RBFOX3: variants seen among roughly 807,000 people sequenced by gnomAD.
RBFOX3 encodes RNA binding fox-1 homolog 3, also known as RNA binding protein fox-1 homolog 3.
RBFOX3 carries 17 observed loss-of-function variants against 48.7 expected under a neutral mutation model. The observed-to-expected ratio is 0.35, with a 90% CI of 0.24 to 0.52. The LOEUF is 0.52. Among genes scored for constraint, RBFOX3 ranks in the 20% least tolerant of loss-of-function variants. The pLI is 0.94. For missense variants in RBFOX3, 382 were observed against 497.5 expected (o/e 0.77, Z 2.21); for synonymous variants, 212 against 209.5 (o/e 1.01, Z -0.10).
chr17:79,194,295 C>T lies in RBFOX3; in HGVS notation c.-34+41471G>A, dbSNP rs955632608. 7.2e-5 allele frequency among the ~76,000 whole-genome samples: 11 copies of T among 152,136 alleles called. 1 individual carries two copies. The highest frequency in any genetic ancestry group is 6.8e-3 in the Middle Eastern group (2 of 294). ...CAGATTCCGAGCAAGGGGGTTCTGCCAGGAATCTAGGTACAAACTGCCTCC... is the reference window on the plus strand; with the variant it reads ...CAGATTCCGAGCAAGGGGGTTCTGCTAGGAATCTAGGTACAAACTGCCTCC... On this transcript the variant is annotated intron_variant, in intron 4 of 14. Transcript: ENST00000693108.
intron 1 of RBFOX3, among the ~76,000 whole-genome samples, chr17:79,602,947 C>T (rs2093739602): frequency 1.3e-5 from 2 of 150,458 alleles, no homozygotes; most frequent in South Asian, 4.2e-4. Context: ...TTTGCAAAAG[C>T]AAGAGGACCT....
At chr17:79,290,050 G>T (rs1057398685) in intron 3 of RBFOX3, among the ~76,000 whole-genome samples, 1 of 152,116 alleles carries the variant, frequency 6.6e-6, no homozygotes, top group Admixed American at 6.5e-5. Flanking sequence ...ATGCCCAGGG[G>T]GTCTGAAGGG....
At chr17:79,166,094 G>A (rs754517848) in intron 4 of RBFOX3, among the ~76,000 whole-genome samples, 5 of 152,236 alleles carry the variant, frequency 3.3e-5, no homozygotes, top group Non-Finnish European at 5.9e-5. Flanking sequence ...GTTGTGATTG[G>A]AACTAGGTAC....
rs1241005397 is a variant in RBFOX3, at chr17:79,205,377, C to G, written c.-34+30389G>C. Among the ~76,000 whole-genome samples, 3 of 152,088 alleles carry G rather than the reference C, an allele frequency of 2.0e-5. No homozygotes were observed. Among genetic ancestry groups the G allele is most frequent in the Non-Finnish European group, 2.9e-5 (2 of 68,020 alleles). ...CAGCAGGTCTGTCAGGCTCATGGAC[C>G]CATCCTGTGGTTTGTTCTCTGGTCT... is the stretch of plus-strand genomic sequence containing the variant. On this transcript the variant is annotated intron_variant, in intron 4 of 14. Coordinates refer to ENST00000693108, the MANE Select transcript of RBFOX3 (RefSeq NM_001350451.2). This position sits in a 1 kb window ranked among gnomAD's most constrained non-coding sequence, Gnocchi z 4.5.
chr17:79,446,009 T>G (rs966950005), intron 2 of RBFOX3, among the ~76,000 whole-genome samples: 1 of 152,214 alleles, frequency 6.6e-6, no homozygotes. Flanking sequence ...CCAGGGATGC[T>G]GCTCATCCTA....
At chr17:79,463,627 C>T (rs1183834724) in intron 2 of RBFOX3, among the ~76,000 whole-genome samples, 12 of 147,052 alleles carry the variant, frequency 8.2e-5, no homozygotes, top group South Asian at 4.4e-4. Flanking sequence ...CCATCGCCAC[C>T]GCCACTGCCA....
At chr17:79,507,398 G>T (rs1397413408) in intron 1 of RBFOX3, among the ~76,000 whole-genome samples, 3 of 152,118 alleles carry the variant, frequency 2.0e-5, no homozygotes, top group African/African-American at 7.2e-5. Context: ...CCTAAATTTG[G>T]CGTCCATGGG....
chr17:79,662,377 C>T, the RBFOX3 span, among the ~76,000 whole-genome samples: 4 of 152,046 alleles, frequency 2.6e-5, no homozygotes, highest in Admixed American at 6.6e-5. Flanking sequence ...CCACCTCAGC[C>T]TCCCAAAGTG....
chr17:79,194,747 TGTGTGG>T (rs1321083323), intron 4 of RBFOX3, among the ~76,000 whole-genome samples: 4,236 of 64,470 alleles, frequency 0.066, 95 homozygotes, highest in Non-Finnish European at 0.12. Context: ...ACTCCCTGTG[TGTGTGG>T]GTGTGTGTGT....
chr17:79,557,766 G>A lies in RBFOX3; in HGVS notation c.-320+53060C>T, dbSNP rs909031553. ...GCAGATGTCAGCGTATCGGGCAGGC[G>A]GGGGCATCTCGTGGGAGGCCTCCTG... On this transcript the variant is annotated intron_variant, in intron 1 of 14. Coordinates refer to ENST00000693108, the MANE Select transcript of RBFOX3 (RefSeq NM_001350451.2). 7.5e-4 allele frequency among the ~76,000 whole-genome samples: 114 copies of A among 152,292 alleles called. 1 individual carries two copies. The highest frequency in any genetic ancestry group is 1.2e-3 in the South Asian group (6 of 4,820).
At chr17:79,193,572 A>T (rs909856920) in intron 4 of RBFOX3, among the ~76,000 whole-genome samples, 1 of 152,174 alleles carries the variant, frequency 6.6e-6, no homozygotes, top group Admixed American at 6.5e-5. Flanking sequence ...TTATTGCTAC[A>T]CTTTCTAAGA....
chr17:79,105,155 G>C (rs560005646), intron 6 of RBFOX3, among the ~76,000 whole-genome samples: 1 of 152,184 alleles, frequency 6.6e-6, no homozygotes, highest in Non-Finnish European at 1.5e-5. Context: ...TCCTGGAGGC[G>C]GGGGGTGCAG....
intron 3 of RBFOX3, among the ~76,000 whole-genome samples, chr17:79,283,694 G>A (rs1029700176): frequency 6.6e-6 from 1 of 152,208 alleles, no homozygotes. Flanking sequence ...AGACCCTCTT[G>A]TTGGCAACAC....
intron 3 of RBFOX3, among the ~76,000 whole-genome samples, chr17:79,236,474 G>C (rs1233819694): frequency 6.6e-6 from 1 of 152,080 alleles, no homozygotes; most frequent in Non-Finnish European, 1.5e-5. Flanking sequence ...ATTTTTAGTA[G>C]AGACGGGGGT....
At chr17:79,124,156 T>G (rs2036533536) in intron 4 of RBFOX3, among the ~76,000 whole-genome samples, 1 of 152,230 alleles carries the variant, frequency 6.6e-6, no homozygotes, top group Non-Finnish European at 1.5e-5. Context: ...ACTGGGAGTC[T>G]GAAATCAGCC....
intron 1 of RBFOX3, among the ~76,000 whole-genome samples, chr17:79,560,010 ATGGGTGGG>A (rs1295470649): frequency 9.6e-6 from 1 of 104,632 alleles, no homozygotes; most frequent in Non-Finnish European, 1.8e-5. Flanking sequence ...GGGTGGAAGG[ATGGGTGGG>A]TGGGTGTATG....
intron 1 of RBFOX3, among the ~76,000 whole-genome samples, chr17:79,583,228 G>C (rs1053742149): frequency 3.9e-5 from 6 of 152,194 alleles, no homozygotes; most frequent in Admixed American, 2.0e-4. Context: ...TCCTGGTAAA[G>C]CAGGGCCCTC....
chr17:79,202,120 T>TG (rs1331812838), intron 4 of RBFOX3, among the ~76,000 whole-genome samples: 1 of 151,934 alleles, frequency 6.6e-6, no homozygotes, highest in African/African-American at 2.4e-5. Flanking sequence ...TTCCCCGGCA[T>TG]GGGGGGTAGA....
Position 79,387,511 on chromosome 17 carries a change from C to T in RBFOX3, c.-174-79687G>A, listed in dbSNP as rs569204864. Among the ~76,000 whole-genome samples, 261 of 152,334 alleles carry T rather than the reference C, an allele frequency of 1.7e-3. 1 individual carries two copies. The highest frequency in any genetic ancestry group is 1.8e-3 in the Non-Finnish European group (123 of 68,032). ...ACTGCCAGGGCCCACAGGGTCCCAC[C>T]GTCTTCACTGGAAGATGGCTGGTAC... On this transcript the variant is annotated intron_variant, in intron 2 of 14. Transcript: ENST00000693108.
Sources: gnomAD v4.1 joint callset for allele counts (sites outside exome capture counted in the v4.1 genomes callset) on GRCh38, gnomAD v4.1.1 for gene constraint, Gnocchi (gnomAD v3.1) non-coding constraint, MANE v1.5 for transcripts, NCBI Gene and HGNC (gene_info 2026-07-23, HGNC 2026-07-21) for gene names.